The following INSR variants were observed in gnomAD, a reference collection of about 807,000 sequenced individuals.
INSR encodes insulin receptor, also known as IR.
In INSR, 67 loss-of-function variants were observed where a neutral mutation model predicts 142.6. The ratio of observed to expected loss-of-function variants is 0.47; its 90% CI spans 0.39 to 0.58. INSR has a LOEUF of 0.58. INSR is among the 20% of genes least tolerant of loss of function. The pLI, the probability that INSR is intolerant of heterozygous loss-of-function variation, is 0.00. For synonymous variants in INSR, 756 were observed against 743.1 expected (o/e 1.02, Z -0.28); for missense variants, 1,248 against 1,833.2 (o/e 0.68, Z 5.83).
intron 1 of INSR, among the ~76,000 whole-genome samples, chr19:7,274,174 A>C (rs905822067): frequency 6.6e-6 from 1 of 152,018 alleles, no homozygotes; most frequent in Non-Finnish European, 1.5e-5. Flanking sequence ...GTTCCACCTC[A>C]GATCCTCAGG....
At chr19:7,239,203 A>G (rs1457440563) in intron 2 of INSR, among the ~76,000 whole-genome samples, 1 of 152,186 alleles carries the variant, frequency 6.6e-6, no homozygotes, top group Non-Finnish European at 1.5e-5. Context: ...AAAGAAATGC[A>G]ATGACAGCAG....
chr19:7,253,530 C>T (rs1028893721), intron 2 of INSR, among the ~76,000 whole-genome samples: 8 of 151,972 alleles, frequency 5.3e-5, no homozygotes, highest in African/African-American at 1.9e-4. Flanking sequence ...GTGCCTGGCC[C>T]CTCCAGTGCA....
intron 2 of INSR, among the ~76,000 whole-genome samples, chr19:7,218,371 C>A (rs4804404): frequency 0.83 from 125,946 of 151,884 alleles, 52,380 homozygotes; most frequent in Non-Finnish European, 0.85. Flanking sequence ...GAAATTTCAT[C>A]TAAGAGAAAT....
At chr19:7,281,832 CA>C (rs1434787825) in intron 1 of INSR, among the ~76,000 whole-genome samples, 1 of 152,098 alleles carries the variant, frequency 6.6e-6, no homozygotes, top group Non-Finnish European at 1.5e-5. Context: ...CCCACAAAGG[CA>C]AAGGAAATAA....
intron 1 of INSR, among the ~76,000 whole-genome samples, chr19:7,273,632 C>T (rs1341125965): frequency 6.6e-6 from 1 of 151,646 alleles, no homozygotes; most frequent in Non-Finnish European, 1.5e-5. Flanking sequence ...AATTCTCCTG[C>T]CTCAGCCTCC....
At chr19:7,165,797 A>G (rs1973874614) in intron 8 of INSR, among the ~76,000 whole-genome samples, 1 of 149,086 alleles carries the variant, frequency 6.7e-6, no homozygotes, top group South Asian at 2.2e-4. Flanking sequence ...TGGGAGGCGG[A>G]GGTTGCAGTG....
intron 15 of INSR, 39 bp from the exon 16 acceptor site, chr19:7,126,690 C>T: frequency 6.5e-7 from 1 of 1,538,370 alleles, no homozygotes; most frequent in Non-Finnish European, 8.8e-7. Context: ...TTGAGATTCT[C>T]ATGGGACTCT....
chr19:7,197,814 G>C (rs1030104795), intron 2 of INSR, among the ~76,000 whole-genome samples: 1 of 89,526 alleles, frequency 1.1e-5, no homozygotes, highest in Non-Finnish European at 2.2e-5. Flanking sequence ...GAGTGGGAGA[G>C]AGAGCGAGAG....
At chr19:7,237,450 G>T (rs565930283) in intron 2 of INSR, among the ~76,000 whole-genome samples, 1 of 152,108 alleles carries the variant, frequency 6.6e-6, no homozygotes, top group East Asian at 1.9e-4. Flanking sequence ...CGGGGAGGTG[G>T]AGGTTGCAGT....
chr19:7,219,517 GAAAGAAGGAAGGAAGGA>G (rs1975540458), intron 2 of INSR, among the ~76,000 whole-genome samples: 1 of 110,258 alleles, frequency 9.1e-6, no homozygotes, highest in Non-Finnish European at 1.8e-5. Context: ...GGGAACGAAG[GAAAGAAGGAAGGAAGGA>G]AGGGAGGGAG....
Position 7,116,944 on chromosome 19 carries a change from G to T in INSR, c.*112C>A. 1.1e-6 allele frequency: 1 copy of T among 870,154 alleles called. No homozygotes were observed. The highest frequency in any genetic ancestry group is 2.0e-6 in the Non-Finnish European group (1 of 505,382). 53.9% of individuals were successfully genotyped at this position (870,154 alleles called of 1,614,324 possible). ...ACAGAAATGTATAGGAACGATCTCT[G>T]AACTCCATTGGACATGGTAGAGTCG... On this transcript the variant is annotated 3_prime_UTR_variant, in exon 22 of 22. Transcript: ENST00000302850.
At chr19:7,262,260 C>T (rs1284161058) in intron 2 of INSR, among the ~76,000 whole-genome samples, 1 of 152,148 alleles carries the variant, frequency 6.6e-6, no homozygotes, top group African/African-American at 2.4e-5. Context: ...TATCTGAGGT[C>T]AGGAGTTCAA....
chr19:7,142,929 G>A lies in INSR; in HGVS notation c.2429C>T (p.Ser810Phe), dbSNP rs756025720. 6 of 1,614,054 alleles carry A rather than the reference G, an allele frequency of 3.7e-6. No homozygotes were observed. The South Asian group carries it at 5.5e-5, about 15-fold the overall frequency. The change falls in exon 12 of 22, where the codon TCC becomes TTC. Residue 810 changes from serine (S) to phenylalanine (F), a missense_variant. Ser to Phe is a radical substitution (Grantham distance 155). Coordinates refer to ENST00000302850, the MANE Select transcript of INSR (RefSeq NM_000208.4). ...KVVNKESLVI[S>F]GLRHFTGYRI... ...ATAGCCCGTGAAGTGTCGCAAGCCGGAGATGACCAGCGACTCCTTGTTCAC... is the reference window on the plus strand; with the variant it reads ...ATAGCCCGTGAAGTGTCGCAAGCCGAAGATGACCAGCGACTCCTTGTTCAC...
intron 2 of INSR, among the ~76,000 whole-genome samples, chr19:7,195,331 T>C (rs1457787237): frequency 6.6e-6 from 1 of 152,192 alleles, no homozygotes; most frequent in African/African-American, 2.4e-5. Flanking sequence ...ATAAAATAAC[T>C]GGCCTGTGCT....
rs1279342142 is a variant in INSR, at chr19:7,168,770, T to TA, written c.1484-677dup. 7.5e-6 allele frequency among the ~76,000 whole-genome samples: 1 copy of TA among 134,222 alleles called. No homozygotes were observed. Among genetic ancestry groups the TA allele is most frequent in the Non-Finnish European group, 1.5e-5 (1 of 64,994 alleles). The allele number at this position is 134,222 out of a possible 152,430, so 88.1% of individuals were successfully genotyped here. Reference sequence around the variant, plus strand: ...CACCACCACGTCCAGCTAGTTTTTGTATTTTTTTTTTTTAGTAGAGATGGA... The same window carrying TA: ...CACCACCACGTCCAGCTAGTTTTTGTAATTTTTTTTTTTTAGTAGAGATGGA... On this transcript the variant is annotated intron_variant, in intron 6 of 21. Transcript: ENST00000302850. This position sits in a 1 kb window ranked among gnomAD's most constrained non-coding sequence, Gnocchi z 4.3.
chr19:7,161,094 G>C (rs1973737382), intron 9 of INSR, among the ~76,000 whole-genome samples: 1 of 149,320 alleles, frequency 6.7e-6, no homozygotes, highest in African/African-American at 2.4e-5. Context: ...CCTTCAGATG[G>C]ATGGAGGTCT....
In INSR at chr19:7,125,541, A is replaced by T. The variant is rs2144814677; in HGVS notation, c.3014-14T>A. 6.2e-7 allele frequency: 1 copy of T among 1,612,508 alleles called. No homozygotes were observed. ...AGCATGGAAACACTACTTCTTACTTATCTACACAGCATCCTTGGAGGATCC... is the reference window on the plus strand; with the variant it reads ...AGCATGGAAACACTACTTCTTACTTTTCTACACAGCATCCTTGGAGGATCC... On this transcript the variant is annotated splice_polypyrimidine_tract_variant and intron_variant, in intron 16 of 21. Transcript: ENST00000302850. The surrounding 1 kb of genome is among the most constrained non-coding windows in gnomAD (Gnocchi z 4.9).
intron 2 of INSR, among the ~76,000 whole-genome samples, chr19:7,220,766 G>A (rs917614509): frequency 6.6e-6 from 1 of 152,070 alleles, no homozygotes; most frequent in African/African-American, 2.4e-5. Context: ...CCACACATCG[G>A]CAATTATTAT....
intron 17 of INSR, among the ~76,000 whole-genome samples, chr19:7,123,397 G>A (rs1232277414): frequency 4.0e-5 from 6 of 151,728 alleles, no homozygotes; most frequent in Non-Finnish European, 5.9e-5. Context: ...TTGAACTCCT[G>A]ACCTCTGGTG....
Sources: allele counts gnomAD v4.1 joint callset (sites outside exome capture counted in the v4.1 genomes callset), GRCh38; gene constraint gnomAD v4.1.1; non-coding constraint Gnocchi (gnomAD v3.1); transcripts MANE v1.5; gene names NCBI Gene and HGNC (gene_info 2026-07-23, HGNC 2026-07-21).